Variants in GRID2 observed in about 807,000 individuals in gnomAD.
GRID2 encodes the protein glutamate receptor ionotropic, delta-2.
In GRID2, 33 loss-of-function variants were observed where a neutral mutation model predicts 114.8. That is an observed-to-expected ratio of 0.29 (90% confidence interval 0.22 to 0.38). GRID2 has a LOEUF of 0.38. Among genes scored for constraint, GRID2 ranks in the 10% least tolerant of loss-of-function variants. The pLI is 1.00. For missense variants in GRID2, 1,184 were observed against 1,257.7 expected, an observed-to-expected ratio of 0.94 and a Z score of 0.89; for synonymous variants, 505 against 449.9, an observed-to-expected ratio of 1.12 and a Z score of -1.55.
intron 8 of GRID2, among the ~76,000 whole-genome samples, chr4:93,270,356 T>C (rs569722957): frequency 1.3e-5 from 2 of 152,094 alleles, no homozygotes; most frequent in East Asian, 3.9e-4. Context: ...CACTCTAAAA[T>C]AGATAAAATT....
intron 8 of GRID2, among the ~76,000 whole-genome samples, chr4:93,316,319 AGAAAGAAAGAAAGAAAGAAAGAAG>A (rs1560490689): frequency 4.4e-5 from 2 of 45,254 alleles, no homozygotes; most frequent in African/African-American, 2.2e-4. Flanking sequence ...AAAGAAAGAA[AGAAAGAAAGAAAGAAAGAAAGAAG>A]GAAGGAAGGA....
chr4:93,401,664 T>G (rs1765902988), intron 9 of GRID2, among the ~76,000 whole-genome samples: 1 of 152,068 alleles, frequency 6.6e-6, no homozygotes, highest in Admixed American at 6.6e-5. Flanking sequence ...TGAGAAAAAT[T>G]ACTGTCTAAA....
In GRID2 at chr4:93,687,040, A is replaced by G. The variant is rs1223057467; in HGVS notation, c.2360+60605A>G. 3.3e-5 allele frequency among the ~76,000 whole-genome samples: 5 copies of G among 152,016 alleles called. No individual in the cohort carries two copies. The South Asian group carries it at 1.0e-3, about 31-fold the overall frequency. ...TTAGGAGGCTACTATGGAAATCCAG[A>G]TGATAGATGCTGTTATCTTGGACAT... On this transcript the variant is annotated intron_variant, in intron 14 of 15. Coordinates refer to ENST00000282020, the MANE Select transcript of GRID2 (RefSeq NM_001510.4).
intron 4 of GRID2, among the ~76,000 whole-genome samples, chr4:93,140,219 C>T (rs1280776930): frequency 7.0e-6 from 1 of 142,422 alleles, no homozygotes; most frequent in East Asian, 2.1e-4. Flanking sequence ...AGTGCAGTGG[C>T]AGGACCACCG....
intron 2 of GRID2, among the ~76,000 whole-genome samples, chr4:92,844,447 G>A (rs1743144883): frequency 6.6e-6 from 1 of 152,028 alleles, no homozygotes. Flanking sequence ...GCTGAGGCAG[G>A]AGAATAACTT....
intron 4 of GRID2, among the ~76,000 whole-genome samples, chr4:93,112,806 T>A (rs1732894512): frequency 6.6e-6 from 1 of 152,148 alleles, no homozygotes; most frequent in Admixed American, 6.6e-5. Context: ...CTCCTTGGCT[T>A]GTAGATGAAT....
At chr4:92,808,897 T>G (rs1740542153) in intron 2 of GRID2, among the ~76,000 whole-genome samples, 3 of 151,794 alleles carry the variant, frequency 2.0e-5, no homozygotes, top group African/African-American at 7.3e-5. Flanking sequence ...CTAGGATAAG[T>G]GAAGAAATAA....
At chr4:93,675,313 AATAG>A (rs1283013528) in intron 14 of GRID2, among the ~76,000 whole-genome samples, 2 of 152,174 alleles carry the variant, frequency 1.3e-5, no homozygotes, top group Admixed American at 6.5e-5. Flanking sequence ...AGTTTTTTTT[AATAG>A]ATAGACTATC....
chr4:93,391,965 A>C (rs530770963), intron 8 of GRID2, among the ~76,000 whole-genome samples: 4 of 152,198 alleles, frequency 2.6e-5, no homozygotes, highest in Non-Finnish European at 5.9e-5. Context: ...ATACTATAGG[A>C]AATCAATAAC....
At chr4:93,748,707 A>AT (rs33963576) in intron 14 of GRID2, among the ~76,000 whole-genome samples, 2 of 151,718 alleles carry the variant, frequency 1.3e-5, no homozygotes, top group African/African-American at 4.8e-5. Flanking sequence ...CCCCAAAAAA[A>AT]TAATGTGTGC....
chr4:93,510,683 T>TAA (rs1729076328), intron 12 of GRID2, among the ~76,000 whole-genome samples: 2 of 152,048 alleles, frequency 1.3e-5, no homozygotes, highest in South Asian at 4.1e-4. Flanking sequence ...ACAATATTTA[T>TAA]AAAGAATCAC....
chr4:92,808,839 T>G (rs1277527375), intron 2 of GRID2, among the ~76,000 whole-genome samples: 1 of 151,894 alleles, frequency 6.6e-6, no homozygotes, highest in Non-Finnish European at 1.5e-5. Context: ...ACTGAGAAAC[T>G]TATATTCTCA....
chr4:93,145,771 C>T (rs1408892940), intron 4 of GRID2, among the ~76,000 whole-genome samples: 3 of 137,064 alleles, frequency 2.2e-5, no homozygotes. Context: ...TGTGTGATTA[C>T]AGGTGTGAAC....
intron 2 of GRID2, among the ~76,000 whole-genome samples, chr4:92,788,836 T>A (rs1739443852): frequency 6.6e-6 from 1 of 151,890 alleles, no homozygotes; most frequent in Non-Finnish European, 1.5e-5. Flanking sequence ...ATTTTTAGTA[T>A]TTTTTGTATG....
chr4:92,479,893 A>G (rs1382775660), intron 1 of GRID2, among the ~76,000 whole-genome samples: 3 of 152,194 alleles, frequency 2.0e-5, no homozygotes, highest in South Asian at 4.1e-4. Context: ...GAGTGAGTAC[A>G]TAGAATATTC....
At position 93,216,486 on chromosome 4, in the gene GRID2, A is replaced by G. The variant is rs544224415; in HGVS notation, c.790-252A>G. Reference sequence around the variant, plus strand: ...AATTATAAACTTATTGTTAATAACCATATGTAAGACAATTGCTCCATTTAG... The same window carrying G: ...AATTATAAACTTATTGTTAATAACCGTATGTAAGACAATTGCTCCATTTAG... On this transcript the variant is annotated intron_variant, in intron 5 of 15. Transcript: ENST00000282020. 3.9e-5 allele frequency among the ~76,000 whole-genome samples: 6 copies of G among 152,272 alleles called. No homozygotes were observed. In the South Asian group the frequency reaches 1.2e-3, roughly 32 times the overall value.
intron 2 of GRID2, among the ~76,000 whole-genome samples, chr4:92,685,239 T>C (rs925351449): frequency 5.9e-5 from 9 of 152,072 alleles, no homozygotes; most frequent in Non-Finnish European, 1.3e-4. Context: ...AACTGTATAG[T>C]AGCTAGAGAG....
chr4:92,508,096 C>T (rs1724064840), intron 1 of GRID2, among the ~76,000 whole-genome samples: 1 of 151,888 alleles, frequency 6.6e-6, no homozygotes, highest in Admixed American at 6.6e-5. Flanking sequence ...TTCTGAAACT[C>T]AAAATAGACT....
chr4:92,453,309 G>T (rs1721041904), intron 1 of GRID2, among the ~76,000 whole-genome samples: 1 of 152,152 alleles, frequency 6.6e-6, no homozygotes, highest in Non-Finnish European at 1.5e-5. Flanking sequence ...CAGGCCAACA[G>T]GGAGTCATTG....
Sources: gnomAD v4.1 joint callset for allele counts (sites outside exome capture counted in the v4.1 genomes callset) on GRCh38, gnomAD v4.1.1 for gene constraint, MANE v1.5 for transcripts, NCBI Gene and HGNC (gene_info 2026-07-23, HGNC 2026-07-21) for gene names.